Variants in PSPC1 observed in about 807,000 individuals in gnomAD.
The protein encoded by PSPC1 is paraspeckle protein 1.
A neutral mutation model predicts 51.6 loss-of-function variants in PSPC1; 14 were observed. The observed-to-expected ratio is 0.27, with a 90% confidence interval of 0.18 to 0.42. PSPC1 has a LOEUF of 0.42. Ranked by LOEUF, PSPC1 falls within the 10% of genes least tolerant of loss-of-function variation. PSPC1 has a pLI of 1.00. For missense variants in PSPC1, 406 were observed against 701.1 expected (o/e 0.58, Z 4.75); for synonymous variants, 193 against 231.9 (o/e 0.83, Z 1.53).
intron 8 of PSPC1, among the ~76,000 whole-genome samples, chr13:19,704,660 A>G (rs1880419918): frequency 7.3e-6 from 1 of 137,410 alleles, no homozygotes; most frequent in Non-Finnish European, 1.6e-5. Context: ...GGTTTGCCTA[A>G]AGTCCGATTT....
rs1215469500 is a variant in PSPC1, at chr13:19,746,186, G to A, written c.968-4537C>T. ...TGGGAGGCTGAGGTGGGCGGATCAC[G>A]AGGTCAGGAGTTCAAGATCAGCCTG... is the stretch of plus-strand genomic sequence containing the variant. On this transcript the variant is annotated intron_variant, in intron 4 of 8. Coordinates refer to ENST00000338910, the MANE Select transcript of PSPC1 (RefSeq NM_001354909.2). Among the ~76,000 whole-genome samples, 5 of 150,534 alleles carry A rather than the reference G, an allele frequency of 3.3e-5. No individual in the cohort carries two copies. In the East Asian group the frequency reaches 7.9e-4, roughly 24 times the overall value.
rs531096071 is a variant in PSPC1 at position 19,782,693 on chromosome 13, A to T, written c.65T>A (p.Leu22Gln). Residue 22 changes from leucine to glutamine, a missense_variant, in exon 1 of 9, where the codon CTG (leucine) becomes CAG (glutamine). Coordinates refer to ENST00000338910, the MANE Select transcript of PSPC1 (RefSeq NM_001354909.2). The surrounding 1 kb of genome is among the most constrained non-coding windows in gnomAD (Gnocchi z 4.5). ...IEKNPARLRA[L>Q]ESAVGESEPA... Reference sequence around the variant, plus strand: ...CTCGCTCTCGCCCACCGCGGACTCCAGGGCGCGAAGGCGGGCCGGGTTTTT... The same window carrying T: ...CTCGCTCTCGCCCACCGCGGACTCCTGGGCGCGAAGGCGGGCCGGGTTTTT... 5.7e-6 allele frequency: 9 copies of T among 1,571,716 alleles called. No homozygotes were observed. The highest frequency in any genetic ancestry group is 7.7e-6 in the Non-Finnish European group (9 of 1,168,204).
chr13:19,683,028 A>C (rs1366017504), intron 6 of PSPC1, among the ~76,000 whole-genome samples: 2 of 152,258 alleles, frequency 1.3e-5, no homozygotes, highest in East Asian at 3.9e-4. Flanking sequence ...TGATCGCACT[A>C]CTATACTCCA....
chr13:19,687,999 T>C (rs1429161544), intron 6 of PSPC1, among the ~76,000 whole-genome samples: 2 of 152,052 alleles, frequency 1.3e-5, no homozygotes, highest in South Asian at 2.1e-4. Flanking sequence ...ACTCTGATCG[T>C]ATCTACTCCC....
intron 3 of PSPC1, among the ~76,000 whole-genome samples, chr13:19,755,015 T>C (rs1886926611): frequency 6.6e-6 from 1 of 151,856 alleles, no homozygotes; most frequent in South Asian, 2.1e-4. Context: ...GGCAGATCGC[T>C]TGAGCCCAGG....
In PSPC1 at chr13:19,742,333, C is replaced by T. The variant is rs142356129; in HGVS notation, c.968-684G>A. 4.2e-4 allele frequency among the ~76,000 whole-genome samples: 63 copies of T among 151,246 alleles called. 1 individual carries two copies. The East Asian group carries it at 0.012, about 29-fold the overall frequency. The stretch of plus-strand genomic sequence containing the variant: ...ACGTCAAGAAATTAAAATAGGTAGG[C>T]TGGCTTGTGCCTGTAATCCCAGCAC... On this transcript the variant is annotated intron_variant, in intron 4 of 8. Coordinates refer to ENST00000338910, the MANE Select transcript of PSPC1 (RefSeq NM_001354909.2).
chr13:19,756,075 A>G (rs1887040061), intron 3 of PSPC1, among the ~76,000 whole-genome samples: 1 of 152,026 alleles, frequency 6.6e-6, no homozygotes, highest in African/African-American at 2.4e-5. Context: ...CGTCTCTACT[A>G]AAAATACAAA....
At chr13:19,705,364 A>G (rs1880514808) in intron 8 of PSPC1, among the ~76,000 whole-genome samples, 2 of 152,156 alleles carry the variant, frequency 1.3e-5, no homozygotes, top group African/African-American at 4.8e-5. Flanking sequence ...GTGGTGGCGC[A>G]CGCCTGTAGC....
At chr13:19,729,232 AGAT>A (rs1883738806) in intron 6 of PSPC1, among the ~76,000 whole-genome samples, 1 of 152,186 alleles carries the variant, frequency 6.6e-6, no homozygotes, top group African/African-American at 2.4e-5. Flanking sequence ...ATGAAACAAT[AGAT>A]GATCTATTTT....
chr13:19,768,032 A>G lies in PSPC1; in HGVS notation c.674+4210T>C, dbSNP rs116907458. Among the ~76,000 whole-genome samples, 1,354 of 152,148 alleles carry G rather than the reference A, an allele frequency of 8.9e-3. 11 individuals carry two copies. The highest frequency in any genetic ancestry group is 0.031 in the South Asian group (149 of 4,818). ...CAGGAGTTAGGGACCAGCCTGGGTG[A>G]CATAGCAAGACCTCATATCTACTTT... On this transcript the variant is annotated intron_variant, in intron 2 of 8. Coordinates refer to ENST00000338910, the MANE Select transcript of PSPC1 (RefSeq NM_001354909.2).
Position 19,730,305 on chromosome 13 carries a change from G to A in PSPC1, c.1092C>T (p.Ile364=). 2 of 1,613,802 alleles carry A rather than the reference G, an allele frequency of 1.2e-6. No individual in the cohort carries two copies. The highest frequency in any genetic ancestry group is 1.6e-4 in the Middle Eastern group (1 of 6,062). Residue 364 remains isoleucine, a synonymous_variant, in exon 6 of 9, where the codon ATC becomes ATT. Coordinates refer to ENST00000338910, the MANE Select transcript of PSPC1 (RefSeq NM_001354909.2). ...TCAGTTCCTCCTGTTCTCTGTGTCG[G>A]ATCATTTCTTCCTCACGCCGCCGAT... The part of the protein sequence containing the change: ...EEHRRREEEM[I]RHREQEELRR...
chr13:19,687,980 G>A (rs1053218638), intron 6 of PSPC1, among the ~76,000 whole-genome samples: 67 of 151,718 alleles, frequency 4.4e-4, no homozygotes, highest in African/African-American at 1.4e-3. Flanking sequence ...CTTTGCTCAC[G>A]GTGGGCCCAC....
At position 19,753,536 on chromosome 13, in the gene PSPC1, C is replaced by T. The variant is rs530622432; in HGVS notation, c.771-2069G>A. Among the ~76,000 whole-genome samples the T allele has an allele frequency of 4.6e-5, 7 of 152,278 alleles. No homozygotes were observed. In the South Asian group the frequency reaches 1.2e-3, roughly 27 times the overall value. Reference sequence around the variant, plus strand: ...GGAGCCACCACACCCAGCCAACTTTCAAGAAATTTCTGCATAAATATCTTC... The same window carrying T: ...GGAGCCACCACACCCAGCCAACTTTTAAGAAATTTCTGCATAAATATCTTC... On this transcript the variant is annotated intron_variant, in intron 3 of 8. Transcript: ENST00000338910.
chr13:19,701,737 T>C (rs1391376721), downstream of PSPC1, among the ~76,000 whole-genome samples: 1 of 152,240 alleles, frequency 6.6e-6, no homozygotes, highest in Admixed American at 6.5e-5. Flanking sequence ...ATTTACATAG[T>C]GTTTATTTTA....
At chr13:19,738,458 C>T (rs1289760235) in intron 5 of PSPC1, among the ~76,000 whole-genome samples, 2 of 152,056 alleles carry the variant, frequency 1.3e-5, no homozygotes, top group Admixed American at 6.6e-5. Context: ...CTTATAATAC[C>T]TAATACAATG....
Position 19,730,305 on chromosome 13 carries a change from G to T in PSPC1, c.1092C>A (p.Ile364=). Residue 364 remains isoleucine, a synonymous_variant, in exon 6 of 9, where the codon ATC becomes ATA. Transcript: ENST00000338910. ...TCAGTTCCTCCTGTTCTCTGTGTCGGATCATTTCTTCCTCACGCCGCCGAT... is the reference window on the plus strand; with the variant it reads ...TCAGTTCCTCCTGTTCTCTGTGTCGTATCATTTCTTCCTCACGCCGCCGAT... The part of the protein sequence containing the change: ...EEHRRREEEM[I]RHREQEELRR... 6.2e-7 allele frequency: 1 copy of T among 1,613,802 alleles called. No homozygotes were observed. The highest frequency in any genetic ancestry group is 8.5e-7 in the Non-Finnish European group (1 of 1,179,906).
intron 6 of PSPC1, among the ~76,000 whole-genome samples, chr13:19,718,762 G>T (rs1300728830): frequency 6.6e-6 from 1 of 152,108 alleles, no homozygotes; most frequent in Non-Finnish European, 1.5e-5. Context: ...TGGGTGAACT[G>T]TGGTACAACC....
intron 7 of PSPC1, among the ~76,000 whole-genome samples, chr13:19,707,076 T>C (rs931977288): frequency 1.3e-5 from 2 of 152,176 alleles, no homozygotes; most frequent in Non-Finnish European, 2.9e-5. Context: ...CTAAGAGGCG[T>C]CTTACCTCAA....
intron 5 of PSPC1, among the ~76,000 whole-genome samples, chr13:19,730,859 A>G (rs972203308): frequency 1.4e-5 from 2 of 147,048 alleles, no homozygotes; most frequent in African/African-American, 4.9e-5. Context: ...AGGCACCAGA[A>G]TAGGTTGAAC....
Sources: gnomAD v4.1 joint callset for allele counts (sites outside exome capture counted in the v4.1 genomes callset) on GRCh38, gnomAD v4.1.1 for gene constraint, Gnocchi (gnomAD v3.1) non-coding constraint, MANE v1.5 for transcripts, NCBI Gene and HGNC (gene_info 2026-07-23, HGNC 2026-07-21) for gene names.